Variants in NCAM2 observed in about 807,000 individuals in gnomAD.
NCAM2 encodes the protein neural cell adhesion molecule 2.
Under a neutral mutation model 98.1 loss-of-function variants are expected in NCAM2, and 30 were observed. The ratio of observed to expected loss-of-function variants is 0.31; its 90% CI spans 0.23 to 0.41. The LOEUF is 0.41. Among genes scored for constraint, NCAM2 ranks in the 10% least tolerant of loss-of-function variants. The pLI is 1.00. For missense variants in NCAM2, 867 were observed against 1,005.8 expected (o/e 0.86, Z 1.87); for synonymous variants, 368 against 342.4 (o/e 1.07, Z -0.83).
At chr21:21,205,370 C>G (rs2069399268) in intron 1 of NCAM2, among the ~76,000 whole-genome samples, 1 of 152,024 alleles carries the variant, frequency 6.6e-6, no homozygotes, top group Non-Finnish European at 1.5e-5. Context: ...CTACTGCGTA[C>G]CAGTGGAATC....
At chr21:21,265,776 G>A (rs1418810477) in intron 1 of NCAM2, among the ~76,000 whole-genome samples, 1 of 151,924 alleles carries the variant, frequency 6.6e-6, no homozygotes, top group East Asian at 1.9e-4. Context: ...AGGGGGAAAT[G>A]TGTTGAATAA....
intron 6 of NCAM2, among the ~76,000 whole-genome samples, chr21:21,333,308 T>C (rs1415383482): frequency 6.6e-6 from 1 of 152,234 alleles, no homozygotes; most frequent in Non-Finnish European, 1.5e-5. Context: ...TGTTCAAGTT[T>C]TGCCCCTCTA....
chr21:21,536,465 C>T (rs964126219), intron 17 of NCAM2, among the ~76,000 whole-genome samples: 34 of 151,074 alleles, frequency 2.3e-4, no homozygotes, highest in African/African-American at 8.0e-4. Context: ...AATCTCAGCT[C>T]ACCTCAACCT....
At chr21:21,100,191 T>C (rs2066211315) in intron 1 of NCAM2, among the ~76,000 whole-genome samples, 1 of 151,914 alleles carries the variant, frequency 6.6e-6, no homozygotes, top group African/African-American at 2.4e-5. Context: ...CCATCCTTTT[T>C]AGGAAGGTAA....
At chr21:21,456,404 A>C (rs777365489) in intron 12 of NCAM2, among the ~76,000 whole-genome samples, 2 of 152,140 alleles carry the variant, frequency 1.3e-5, no homozygotes, top group Admixed American at 6.6e-5. Flanking sequence ...CCTGTGAACT[A>C]TAAGGAAAAT....
intron 1 of NCAM2, among the ~76,000 whole-genome samples, chr21:21,136,433 CA>C (rs938951130): frequency 1.2e-4 from 18 of 151,484 alleles, no homozygotes; most frequent in Non-Finnish European, 1.5e-5. Context: ...GGGATACCCA[CA>C]TGCTAAATTG....
chr21:21,212,638 C>T (rs2069702603), intron 1 of NCAM2, among the ~76,000 whole-genome samples: 1 of 151,784 alleles, frequency 6.6e-6, no homozygotes, highest in Non-Finnish European at 1.5e-5. Flanking sequence ...GGTTGTGATA[C>T]TATAGTTTTG....
intron 16 of NCAM2, among the ~76,000 whole-genome samples, chr21:21,523,467 A>G (rs1157114871): frequency 6.6e-6 from 1 of 151,334 alleles, no homozygotes; most frequent in African/African-American, 2.4e-5. Context: ...TCCCTAATAT[A>G]TGTTTAAAGA....
chr21:20,999,597 C>T (rs2063982091), intron 1 of NCAM2, among the ~76,000 whole-genome samples: 1 of 152,114 alleles, frequency 6.6e-6, no homozygotes, highest in South Asian at 2.1e-4. Context: ...AATAAAATAG[C>T]ACTAATTTTG....
At chr21:21,333,654 G>T (rs1306870112) in intron 6 of NCAM2, among the ~76,000 whole-genome samples, 3 of 152,066 alleles carry the variant, frequency 2.0e-5, no homozygotes, top group Non-Finnish European at 4.4e-5. Flanking sequence ...GAATTGAGGA[G>T]TAGAGATATA....
At chr21:21,433,369 G>GT (rs991628511) in intron 12 of NCAM2, among the ~76,000 whole-genome samples, 3 of 151,626 alleles carry the variant, frequency 2.0e-5, no homozygotes, top group East Asian at 1.9e-4. Context: ...AAGGACTATA[G>GT]TTTTTTTTTA....
chr21:21,355,349 G>A (rs1457298024), intron 8 of NCAM2, among the ~76,000 whole-genome samples: 4 of 150,912 alleles, frequency 2.7e-5, no homozygotes, highest in Admixed American at 2.0e-4. Context: ...GGGAAAAGGG[G>A]GTTGCAGGGG....
chr21:21,094,703 C>T (rs2066082841), intron 1 of NCAM2, among the ~76,000 whole-genome samples: 1 of 151,566 alleles, frequency 6.6e-6, no homozygotes, highest in African/African-American at 2.4e-5. Context: ...TGTATATTTA[C>T]AGGGATAACT....
chr21:21,328,734 T>A (rs1001271727), intron 6 of NCAM2, among the ~76,000 whole-genome samples: 2 of 151,872 alleles, frequency 1.3e-5, no homozygotes, highest in Non-Finnish European at 2.9e-5. Context: ...TTTTTAAGAG[T>A]ATATAAAGTA....
chr21:21,266,436 G>A lies in NCAM2; in HGVS notation c.56-14142G>A, dbSNP rs141475971. On this transcript the variant is annotated intron_variant, in intron 1 of 17. Coordinates refer to ENST00000400546, the MANE Select transcript of NCAM2 (RefSeq NM_004540.5). ...TGGCCATATAAACAAATAATTATGC[G>A]GTACTATTCACAATAGCAAAGACTT... 5.5e-4 allele frequency among the ~76,000 whole-genome samples: 83 copies of A among 152,014 alleles called. 2 individuals are homozygous for A. The East Asian group carries it at 0.013, about 23-fold the overall frequency.
intron 6 of NCAM2, among the ~76,000 whole-genome samples, chr21:21,326,100 T>A (rs232474): frequency 0.68 from 103,996 of 152,038 alleles, 36,346 homozygotes; most frequent in Non-Finnish European, 0.78. Context: ...AGGAACATGT[T>A]TCTTTATCCT....
intron 1 of NCAM2, among the ~76,000 whole-genome samples, chr21:21,001,125 C>T (rs2064012547): frequency 6.6e-6 from 1 of 152,100 alleles, no homozygotes; most frequent in African/African-American, 2.4e-5. Context: ...ATGATGTATT[C>T]CCTTTTTAGG....
chr21:21,392,008 G>A (rs2076391657), intron 9 of NCAM2, among the ~76,000 whole-genome samples: 1 of 152,138 alleles, frequency 6.6e-6, no homozygotes, highest in Admixed American at 6.6e-5. Flanking sequence ...CTGAGTCAGA[G>A]GGTTTGTGTG....
At chr21:21,357,471 C>T (rs954734747) in intron 8 of NCAM2, among the ~76,000 whole-genome samples, 1 of 152,030 alleles carries the variant, frequency 6.6e-6, no homozygotes, top group African/African-American at 2.4e-5. Context: ...AGGAAACCAA[C>T]AAATCCATAA....
Sources: gnomAD v4.1 joint callset for allele counts (sites outside exome capture counted in the v4.1 genomes callset) on GRCh38, gnomAD v4.1.1 for gene constraint, MANE v1.5 for transcripts, NCBI Gene and HGNC (gene_info 2026-07-23, HGNC 2026-07-21) for gene names.